Variants in PCNX2 observed in about 807,000 individuals in gnomAD.
PCNX2 encodes the protein pecanex 2, also known as pecanex-like protein 2.
PCNX2 carries 168 observed loss-of-function variants against 223.8 expected under a neutral mutation model. That is an observed-to-expected ratio of 0.75 (90% CI 0.66 to 0.85). The LOEUF (loss-of-function observed/expected upper bound fraction) is 0.85. Among genes scored for constraint, PCNX2 ranks in the 40% least tolerant of loss-of-function variants. PCNX2 has a pLI of 0.00. For synonymous variants in PCNX2, 1,006 were observed against 1,052.6 expected (o/e 0.96, Z 0.86); for missense variants, 2,507 against 2,675.5 (o/e 0.94, Z 1.39).
chr1:233,052,443 G>A lies in PCNX2; in HGVS notation c.4351+1825C>T, dbSNP rs112001953. Among the ~76,000 whole-genome samples the A allele has an allele frequency of 7.2e-3, 1,103 of 152,198 alleles. 14 individuals are homozygous for A. Among genetic ancestry groups the A allele is most frequent in the African/African-American group, 0.024 (990 of 41,514 alleles). ...CAAACTACCTGCTGAGAACTACATC[G>A]GATGACTTGGTGCTTCTTTGTCATC... On this transcript the variant is annotated intron_variant, in intron 25 of 33. Transcript: ENST00000258229.
intron 25 of PCNX2, among the ~76,000 whole-genome samples, chr1:233,032,734 T>C (rs956259107): frequency 6.6e-6 from 1 of 152,138 alleles, no homozygotes; most frequent in Non-Finnish European, 1.5e-5. Flanking sequence ...AATAGCACAG[T>C]AGACTATGAG....
chr1:233,022,917 G>C (rs137951279), intron 26 of PCNX2, among the ~76,000 whole-genome samples: 6,450 of 152,020 alleles, frequency 0.042, 458 homozygotes, highest in African/African-American at 0.14. Flanking sequence ...GGCTGGTCTT[G>C]AACTCCCGAC....
At chr1:233,222,700 T>C (rs1305545258) in intron 10 of PCNX2, among the ~76,000 whole-genome samples, 1 of 152,118 alleles carries the variant, frequency 6.6e-6, no homozygotes, top group Non-Finnish European at 1.5e-5. Flanking sequence ...AATAACTTCC[T>C]ACAAGAGACT....
upstream of PCNX2, among the ~76,000 whole-genome samples, chr1:233,297,867 T>C (rs1662199569): frequency 6.6e-6 from 1 of 152,194 alleles, no homozygotes; most frequent in Non-Finnish European, 1.5e-5. Flanking sequence ...TGTTGAGGGA[T>C]CATATATGAT....
At chr1:233,115,019 C>G (rs144343245) in intron 21 of PCNX2, among the ~76,000 whole-genome samples, 1 of 152,056 alleles carries the variant, frequency 6.6e-6, no homozygotes, top group Non-Finnish European at 1.5e-5. Flanking sequence ...CAGCACTGCA[C>G]AGGAGCCGAT....
chr1:233,135,147 G>C lies in PCNX2; in HGVS notation c.3703C>G (p.Arg1235Gly). ...LMIIAGMKLL[R>G]TSFCNPVYQF... The stretch of plus-strand genomic sequence containing the variant: ...TAAACCGGGTTGCAGAATGATGTCC[G>C]CAACAGCTTCATGCCAGCAATGATC... Residue 1235 changes from arginine (R) to glycine (G), a missense_variant, in exon 21 of 34, where the codon CGG becomes GGG. Around this residue, in one of 3 missense-constraint regions of PCNX2, gnomAD observed 1,372 missense variants for 1,509.4 expected, o/e 0.91. Coordinates refer to ENST00000258229, the MANE Select transcript of PCNX2 (RefSeq NM_014801.4). The C allele has an allele frequency of 2.5e-6, 4 of 1,613,808 alleles. No individual in the cohort carries two copies. The highest frequency in any genetic ancestry group is 3.4e-6 in the Non-Finnish European group (4 of 1,179,820).
At chr1:233,040,015 A>C (rs2273675) in intron 25 of PCNX2, among the ~76,000 whole-genome samples, 5,296 of 152,364 alleles carry the variant, frequency 0.035, 130 homozygotes, top group East Asian at 0.081. Context: ...CGTATCACGT[A>C]TCACAAGGAA....
chr1:233,112,656 T>C (rs937616613), intron 21 of PCNX2, among the ~76,000 whole-genome samples: 3 of 152,230 alleles, frequency 2.0e-5, no homozygotes, highest in Non-Finnish European at 4.4e-5. Flanking sequence ...AAGATGGGCG[T>C]TCGTAAATAC....
At chr1:233,130,790 C>CT (rs1391053543) in intron 21 of PCNX2, among the ~76,000 whole-genome samples, 41 of 148,584 alleles carry the variant, frequency 2.8e-4, no homozygotes, top group Non-Finnish European at 3.6e-4. Flanking sequence ...GCACCCCCCC[C>CT]TTTTTTTTTT....
intron 19 of PCNX2, among the ~76,000 whole-genome samples, chr1:233,152,051 T>C (rs188369123): frequency 1.3e-5 from 2 of 152,220 alleles, no homozygotes; most frequent in Admixed American, 1.3e-4. Context: ...TCCAGCCTTG[T>C]GGAGACTGAC....
rs564221232 is a variant in PCNX2, at chr1:233,203,256, CAG to C, written c.2864-2994_2864-2993del. Among the ~76,000 whole-genome samples, 43 of 152,266 alleles carry C rather than the reference CAG, an allele frequency of 2.8e-4. No homozygotes were observed. In the East Asian group the frequency reaches 7.6e-3, roughly 27 times the overall value. On this transcript the variant is annotated intron_variant, in intron 13 of 33. Transcript: ENST00000258229. ...CCTTTTGAAATATGGTACTAAGAAT[CAG>C]ACACCTTTTGGCTTTCTCACCCACA... is the stretch of plus-strand genomic sequence containing the variant.
chr1:233,181,195 C>T (rs1679779509), intron 15 of PCNX2: 1 of 149,876 alleles, frequency 6.7e-6, no homozygotes, highest in Non-Finnish European at 1.5e-5. Context: ...GCTCAAGTTG[C>T]TGACTTTTTT....
At chr1:233,152,490 A>G (rs1488226597) in intron 19 of PCNX2, among the ~76,000 whole-genome samples, 1 of 152,156 alleles carries the variant, frequency 6.6e-6, no homozygotes, top group Admixed American at 6.5e-5. Flanking sequence ...CTCTTTCCAA[A>G]GACCCCTGCA....
At chr1:233,218,840 CA>C (rs1474534218) in intron 10 of PCNX2, among the ~76,000 whole-genome samples, 1 of 152,114 alleles carries the variant, frequency 6.6e-6, no homozygotes, top group Admixed American at 6.5e-5. Context: ...TAAAGAGCTT[CA>C]CTGGTTCCTT....
At chr1:233,074,844 A>G (rs1040265201) in intron 23 of PCNX2, among the ~76,000 whole-genome samples, 3 of 152,102 alleles carry the variant, frequency 2.0e-5, no homozygotes, top group African/African-American at 7.2e-5. Context: ...TTTGCCATTA[A>G]GGAAATGCAA....
chr1:233,311,883 G>T, the PCNX2 span, among the ~76,000 whole-genome samples: 14 of 152,318 alleles, frequency 9.2e-5, no homozygotes, highest in Non-Finnish European at 1.8e-4. Context: ...ATTTTGGGAG[G>T]CTGAGGCGGG....
intron 33 of PCNX2, chr1:232,985,720 T>C (rs1473040004): frequency 7.8e-6 from 4 of 513,154 alleles, no homozygotes; most frequent in Non-Finnish European, 1.4e-5. Flanking sequence ...ACAGGTGTCC[T>C]TTCCTCTCCC....
chr1:233,121,412 T>G (rs1675784855), intron 21 of PCNX2, among the ~76,000 whole-genome samples: 1 of 152,132 alleles, frequency 6.6e-6, no homozygotes, highest in Admixed American at 6.5e-5. Flanking sequence ...AAAACAAAGT[T>G]GGAAAAATCA....
At chr1:233,064,524 T>C (rs1219909668) in intron 23 of PCNX2, among the ~76,000 whole-genome samples, 1 of 152,188 alleles carries the variant, frequency 6.6e-6, no homozygotes, top group Non-Finnish European at 1.5e-5. Flanking sequence ...GTTGAAACTT[T>C]CTGCTTCTGT....
Sources: gnomAD v4.1 joint callset for allele counts (sites outside exome capture counted in the v4.1 genomes callset) on GRCh38, gnomAD v4.1.1 for gene constraint, gnomAD v4.1.1 regional missense constraint, MANE v1.5 for transcripts, NCBI Gene and HGNC (gene_info 2026-07-23, HGNC 2026-07-21) for gene names.